The following LINGO3 variants were observed in gnomAD, a reference collection of about 807,000 sequenced individuals.
The protein encoded by LINGO3 is leucine-rich repeat and immunoglobulin-like domain-containing nogo receptor-interacting protein 3.
For synonymous variants in LINGO3, 427 were observed against 444.2 expected (o/e 0.96, Z 0.49); for missense variants, 750 against 867.7 (o/e 0.86, Z 1.70).
the LINGO3 span, among the ~76,000 whole-genome samples, chr19:2,298,844 A>C: frequency 2.0e-5 from 3 of 152,028 alleles, no homozygotes; most frequent in African/African-American, 4.8e-5. Context: ...CGGCCCAAGA[A>C]ATTTTTTTTA....
At chr19:2,304,842 G>T in the LINGO3 span, among the ~76,000 whole-genome samples, 1 of 150,252 alleles carries the variant, frequency 6.7e-6, no homozygotes, top group Non-Finnish European at 1.5e-5. Context: ...TGAGAAGCTG[G>T]AACTACAGGC....
chr19:2,302,869 C>T, the LINGO3 span, among the ~76,000 whole-genome samples: 1 of 152,188 alleles, frequency 6.6e-6, no homozygotes, highest in East Asian at 1.9e-4. Context: ...CTGTGCTGGC[C>T]CCCGCCATGC....
the LINGO3 span, among the ~76,000 whole-genome samples, chr19:2,297,465 C>A: frequency 6.6e-6 from 1 of 151,824 alleles, no homozygotes; most frequent in Non-Finnish European, 1.5e-5. Flanking sequence ...CCACCACGCC[C>A]GGCTAATTTT....
At chr19:2,293,263 A>G (rs1389681430), upstream of LINGO3, among the ~76,000 whole-genome samples, 1 of 150,876 alleles carries the variant, frequency 6.6e-6, no homozygotes, top group Admixed American at 6.6e-5. Context: ...ACGGGATTTC[A>G]CCGTGTTAGC....
chr19:2,307,675 C>T, the LINGO3 span, among the ~76,000 whole-genome samples: 1 of 152,198 alleles, frequency 6.6e-6, no homozygotes, highest in African/African-American at 2.4e-5. Context: ...AGACCCGGCT[C>T]GGGGGAGACA....
chr19:2,290,367 C>G lies in LINGO3; in HGVS notation c.1410G>C (p.Ala470=), dbSNP rs1012122755. The change falls in exon 1 of 1, where the codon GCG becomes GCC. Residue 470 remains alanine (A), a synonymous_variant. Transcript: ENST00000585527. The surrounding 1 kb of genome is among the most constrained non-coding windows in gnomAD (Gnocchi z 6.0). ...TGTAGGTGCCGCTGTCCTGCGGCCG[C>G]GCGTCCTGGATCTCCAGCGTCCCCC... is the stretch of plus-strand genomic sequence containing the variant. The G allele has an allele frequency of 6.7e-7, 1 of 1,490,006 alleles. No individual in the cohort carries two copies. Among genetic ancestry groups the G allele is most frequent in the Non-Finnish European group, 8.9e-7 (1 of 1,128,522 alleles). The allele number at this position is 1,490,006 out of a possible 1,614,324, so 92.3% of individuals were successfully genotyped here.
chr19:2,291,005 T>A (rs780381377), exon 1 of LINGO3: 1 of 1,611,304 alleles, frequency 6.2e-7, no homozygotes, highest in Admixed American at 1.7e-5. Flanking sequence ...ACGGCGGTGA[T>A]GTTGGTGTGG....
chr19:2,299,747 G>A, the LINGO3 span, among the ~76,000 whole-genome samples: 7 of 124,696 alleles, frequency 5.6e-5, no homozygotes, highest in Non-Finnish European at 9.7e-5. Context: ...TTTTTGAGAC[G>A]GAGTCTTGCT....
At position 2,291,209 on chromosome 19, in the gene LINGO3, A is replaced by G. The variant is rs762972485; in HGVS notation, c.568T>C (p.Ser190Pro). 7 of 1,610,380 alleles carry G rather than the reference A, an allele frequency of 4.3e-6. No homozygotes were observed. The highest frequency in any genetic ancestry group is 1.6e-4 in the Middle Eastern group (1 of 6,074). ...CGCAGATGGCCCAGCGACTCCCCGGACAGAGCCGTGAGGTTGCAGCGCTCC... is the reference window on the plus strand; with the variant it reads ...CGCAGATGGCCCAGCGACTCCCCGGGCAGAGCCGTGAGGTTGCAGCGCTCC... The change falls in exon 1 of 1, where the codon TCC (serine) becomes CCC (proline). Residue 190 changes from serine (S) to proline (P), a missense_variant. Physicochemically the swap from Ser to Pro is moderately conservative, Grantham distance 74. Coordinates refer to ENST00000585527, the Ensembl canonical transcript of LINGO3.
upstream of LINGO3, among the ~76,000 whole-genome samples, chr19:2,295,608 C>T (rs138170735): frequency 6.6e-5 from 10 of 152,226 alleles, no homozygotes; most frequent in African/African-American, 2.4e-4. Context: ...TGGTGATGGG[C>T]GCCTGTAATC....
chr19:2,304,710 CT>C, the LINGO3 span, among the ~76,000 whole-genome samples: 288 of 73,182 alleles, frequency 3.9e-3, no homozygotes, highest in Non-Finnish European at 5.9e-3. Flanking sequence ...CCATGTCCTG[CT>C]TTTTTTTTTT....
chr19:2,298,373 G>A, the LINGO3 span, among the ~76,000 whole-genome samples: 2 of 150,648 alleles, frequency 1.3e-5, no homozygotes, highest in Non-Finnish European at 3.0e-5. Context: ...TGGGATTATA[G>A]GCAAGTGCCA....
chr19:2,292,030 A>C (rs1284508757), upstream of LINGO3: 1 of 481,660 alleles, frequency 2.1e-6, no homozygotes, highest in Non-Finnish European at 4.0e-6. Context: ...TCTACAAAAA[A>C]ATAAAAGATG....
rs965448769 is a variant in LINGO3 at position 2,290,125 on chromosome 19, A to G, written c.1652T>C (p.Val551Ala). The change falls in exon 1 of 1, where the codon GTG (valine) becomes GCG (alanine). Residue 551 changes from valine (V) to alanine (A), a missense_variant. Transcript: ENST00000585527. This position sits in a 1 kb window ranked among gnomAD's most constrained non-coding sequence, Gnocchi z 6.0. ...GTGCTGCCCGCGGCCGCGGCTCCAC[A>G]CGAACAGCAGCACGAAGCAGAAGAG... 6.2e-7 allele frequency: 1 copy of G among 1,611,662 alleles called. No individual in the cohort carries two copies. Among genetic ancestry groups the G allele is most frequent in the Non-Finnish European group, 8.5e-7 (1 of 1,179,212 alleles).
Position 2,290,088 on chromosome 19 carries a change from G to T in LINGO3, c.1689C>A (p.Phe563Leu). 2 of 1,592,900 alleles carry T rather than the reference G, an allele frequency of 1.3e-6. No homozygotes were observed. The highest frequency in any genetic ancestry group is 1.7e-6 in the Non-Finnish European group (2 of 1,170,632). Residue 563 changes from phenylalanine to leucine, a missense_variant, in exon 1 of 1, where the codon TTC (phenylalanine) becomes TTA (leucine). Coordinates refer to ENST00000585527, the Ensembl canonical transcript of LINGO3. This position sits in a 1 kb window ranked among gnomAD's most constrained non-coding sequence, Gnocchi z 6.0. ...CCTTGCGGAAGGAGTACTCCACCGA[G>T]AAGTTGTTTTTGTGCTGCCCGCGGC...
the LINGO3 span, among the ~76,000 whole-genome samples, chr19:2,307,157 C>T: frequency 6.6e-6 from 1 of 152,206 alleles, no homozygotes; most frequent in Non-Finnish European, 1.5e-5. Context: ...CAGACGCCCG[C>T]TCCCCACCCC....
upstream of LINGO3, among the ~76,000 whole-genome samples, chr19:2,296,575 T>C (rs898095720): frequency 3.3e-5 from 5 of 151,858 alleles, no homozygotes; most frequent in Non-Finnish European, 5.9e-5. Context: ...ACCTCCTGGG[T>C]TCAGGTGATT....
rs561825097 is a variant in LINGO3, at chr19:2,290,967, C to G, written c.810G>C (p.Ala270=). 2 of 1,611,842 alleles carry G rather than the reference C, an allele frequency of 1.2e-6. No homozygotes were observed. Among genetic ancestry groups the G allele is most frequent in the South Asian group, 2.2e-5 (2 of 91,046 alleles). The change falls in exon 1 of 1, where the codon GCG becomes GCC. Residue 270 remains alanine, a synonymous_variant. Transcript: ENST00000585527. The surrounding 1 kb of genome is among the most constrained non-coding windows in gnomAD (Gnocchi z 6.0). ...GCGACAGATTGAGGCAGGTGAGGTG[C>G]GCCTGGTGCCGCAGCGCGGCGGCCG...
the LINGO3 span, among the ~76,000 whole-genome samples, chr19:2,302,161 A>G: frequency 6.6e-6 from 1 of 150,616 alleles, no homozygotes; most frequent in Non-Finnish European, 1.5e-5. Context: ...TCCCGGGTTA[A>G]AGCGATTCTC....
Sources: allele counts gnomAD v4.1 joint callset (sites outside exome capture counted in the v4.1 genomes callset), GRCh38; gene constraint gnomAD v4.1.1; non-coding constraint Gnocchi (gnomAD v3.1); transcripts MANE v1.5; gene names NCBI Gene and HGNC (gene_info 2026-07-23, HGNC 2026-07-21).